PIP5K1B: variants seen among roughly 807,000 people sequenced by gnomAD.
The protein encoded by PIP5K1B is phosphatidylinositol-4-phosphate 5-kinase type 1 beta.
In PIP5K1B, 42 loss-of-function variants were observed where a neutral mutation model predicts 67.0. The ratio of observed to expected loss-of-function variants is 0.63; its 90% CI spans 0.49 to 0.81. The LOEUF (loss-of-function observed/expected upper bound fraction) is 0.81, where lower values mean the gene tolerates loss of function less well. Ranked by LOEUF, PIP5K1B falls within the 30% of genes least tolerant of loss-of-function variation. The pLI, the probability that PIP5K1B is intolerant of heterozygous loss-of-function variation, is 0.00. For missense variants in PIP5K1B, 459 were observed against 646.3 expected (o/e 0.71, Z 3.14); for synonymous variants, 214 against 231.4 (o/e 0.92, Z 0.68).
At chr9:68,811,764 C>A (rs1833180997) in intron 2 of PIP5K1B, among the ~76,000 whole-genome samples, 1 of 152,144 alleles carries the variant, frequency 6.6e-6, no homozygotes, top group African/African-American at 2.4e-5. Flanking sequence ...TATTAAATAT[C>A]CCCTCTTTAA....
At chr9:68,711,312 T>C (rs991481275) in intron 1 of PIP5K1B, among the ~76,000 whole-genome samples, 1 of 152,222 alleles carries the variant, frequency 6.6e-6, no homozygotes, top group African/African-American at 2.4e-5. Context: ...TCTGGATCAC[T>C]TGATCATATG....
chr9:68,841,548 A>T (rs992949066), intron 4 of PIP5K1B, among the ~76,000 whole-genome samples: 6 of 152,122 alleles, frequency 3.9e-5, no homozygotes, highest in African/African-American at 1.4e-4. Flanking sequence ...TGGGACTGGT[A>T]TTTTCCATCT....
intron 2 of PIP5K1B, among the ~76,000 whole-genome samples, chr9:68,762,331 T>C (rs1564115216): frequency 6.6e-6 from 1 of 152,106 alleles, no homozygotes; most frequent in Non-Finnish European, 1.5e-5. Context: ...CTGAAAGTCG[T>C]GGAATGTTGT....
intron 2 of PIP5K1B, chr9:68,781,611 TA>T (rs1270417420): frequency 6.0e-6 from 1 of 166,910 alleles, no homozygotes; most frequent in Non-Finnish European, 1.5e-5. Context: ...GAACAAATTA[TA>T]AAAGTTTGAA....
chr9:68,897,719 C>T (rs1825159474), intron 8 of PIP5K1B, among the ~76,000 whole-genome samples: 1 of 152,128 alleles, frequency 6.6e-6, no homozygotes, highest in South Asian at 2.1e-4. Flanking sequence ...GAATCCCAGA[C>T]CTTTGGACCC....
At chr9:68,830,666 T>C (rs1834263821) in intron 4 of PIP5K1B, among the ~76,000 whole-genome samples, 1 of 152,172 alleles carries the variant, frequency 6.6e-6, no homozygotes, top group African/African-American at 2.4e-5. Context: ...CACCCAAAAC[T>C]TCCTGCACGG....
intron 4 of PIP5K1B, among the ~76,000 whole-genome samples, chr9:68,861,220 A>T (rs991077285): frequency 2.1e-4 from 32 of 152,246 alleles, no homozygotes; most frequent in Middle Eastern, 3.2e-3. Flanking sequence ...AATATATAAC[A>T]GCAGGGTTCT....
At chr9:68,857,367 C>T (rs1239268222) in intron 4 of PIP5K1B, among the ~76,000 whole-genome samples, 1 of 152,262 alleles carries the variant, frequency 6.6e-6, no homozygotes, top group African/African-American at 2.4e-5. Context: ...GTTTGCCTAC[C>T]CACAAACTGT....
intron 4 of PIP5K1B, among the ~76,000 whole-genome samples, chr9:68,853,080 A>C (rs1352137761): frequency 6.6e-6 from 1 of 152,228 alleles, no homozygotes; most frequent in Non-Finnish European, 1.5e-5. Context: ...TGGTTTTAAA[A>C]GGAAAAACAG....
Position 68,854,127 on chromosome 9 carries a change from CTT to C in PIP5K1B, c.70-9690_70-9689del, listed in dbSNP as rs36079285. 6.7e-3 allele frequency among the ~76,000 whole-genome samples: 719 copies of C among 106,976 alleles called. 1 individual carries two copies. Among genetic ancestry groups the C allele is most frequent in the African/African-American group, 0.018 (514 of 28,490 alleles). The allele number at this position is 106,976 out of a possible 152,430, so 70.2% of individuals were successfully genotyped here. ...TCTATGACTGGGAATAAACAGAAAA[CTT>C]TTTTTTTTTTTTTTTTTTTGAGACA... On this transcript the variant is annotated intron_variant, in intron 4 of 15. Transcript: ENST00000265382.
At chr9:68,932,610 C>T (rs1827056462) in intron 12 of PIP5K1B, among the ~76,000 whole-genome samples, 1 of 152,154 alleles carries the variant, frequency 6.6e-6, no homozygotes, top group Non-Finnish European at 1.5e-5. Context: ...CTCACATCTG[C>T]TTCTGAATTC....
chr9:68,776,994 G>A (rs1385130026), intron 2 of PIP5K1B, among the ~76,000 whole-genome samples: 2 of 152,076 alleles, frequency 1.3e-5, no homozygotes, highest in African/African-American at 2.4e-5. Flanking sequence ...TTAGCATATC[G>A]TTGAAAAAGA....
chr9:68,842,507 A>C (rs188219409), intron 4 of PIP5K1B, among the ~76,000 whole-genome samples: 9 of 152,390 alleles, frequency 5.9e-5, no homozygotes, highest in African/African-American at 1.9e-4. Context: ...ATTGATGTGG[A>C]TAGCATATAT....
chr9:68,979,901 G>T (rs1275202603), intron 14 of PIP5K1B, among the ~76,000 whole-genome samples: 1 of 152,218 alleles, frequency 6.6e-6, no homozygotes, highest in Non-Finnish European at 1.5e-5. Flanking sequence ...CATGCTCAGG[G>T]CTGAAAGTGA....
At chr9:68,839,261 G>T (rs1391056598) in intron 4 of PIP5K1B, among the ~76,000 whole-genome samples, 1 of 151,912 alleles carries the variant, frequency 6.6e-6, no homozygotes, top group African/African-American at 2.4e-5. Flanking sequence ...AATTTGGGGT[G>T]TGGTTGACTG....
intron 14 of PIP5K1B, among the ~76,000 whole-genome samples, chr9:68,963,831 G>A (rs1828880235): frequency 6.6e-6 from 1 of 152,186 alleles, no homozygotes; most frequent in South Asian, 2.1e-4. Flanking sequence ...TCAGTATTGG[G>A]TGGTGGTGAC....
intron 14 of PIP5K1B, among the ~76,000 whole-genome samples, chr9:68,961,582 G>A (rs1436410031): frequency 6.6e-6 from 1 of 152,158 alleles, no homozygotes. Context: ...GTGTAGTTGG[G>A]GAAACCTGGT....
At chr9:68,882,767 G>A (rs1824262841) in intron 6 of PIP5K1B, among the ~76,000 whole-genome samples, 2 of 152,188 alleles carry the variant, frequency 1.3e-5, no homozygotes, top group Admixed American at 6.5e-5. Flanking sequence ...AGAGAGTCTA[G>A]GGTCTGCCTT....
At chr9:68,889,177 T>G in intron 7 of PIP5K1B, 44 bp downstream of exon 7, 1 of 1,488,220 alleles carries the variant, frequency 6.7e-7, no homozygotes, top group Non-Finnish European at 9.2e-7. Context: ...GAAGTTTAAT[T>G]ACTTTCCTCA....
Sources: allele counts gnomAD v4.1 joint callset (sites outside exome capture counted in the v4.1 genomes callset), GRCh38; gene constraint gnomAD v4.1.1; transcripts MANE v1.5; gene names NCBI Gene and HGNC (gene_info 2026-07-23, HGNC 2026-07-21).